The following ODF2L variants were observed in gnomAD, a reference collection of about 807,000 sequenced individuals.
ODF2L encodes outer dense fiber of sperm tails 2 like.
Under a neutral mutation model 86.3 loss-of-function variants are expected in ODF2L, and 76 were observed. The observed-to-expected ratio is 0.88, with a 90% CI of 0.73 to 1.07. ODF2L has a LOEUF of 1.07. Among genes scored for constraint, ODF2L ranks in the 50% least tolerant of loss-of-function variants. ODF2L has a pLI of 0.00. For synonymous variants in ODF2L, 241 were observed against 231.3 expected (o/e 1.04, Z -0.38); for missense variants, 748 against 717.4 (o/e 1.04, Z -0.49).
At chr1:86,380,825 G>T (rs1660531347) in intron 7 of ODF2L, among the ~76,000 whole-genome samples, 1 of 151,870 alleles carries the variant, frequency 6.6e-6, no homozygotes. Flanking sequence ...AGAAAAATTG[G>T]TGGAAGGCAT....
Position 86,386,978 on chromosome 1 carries a change from T to C in ODF2L, c.50A>G (p.His17Arg), listed in dbSNP as rs1361362333. 37 of 1,593,776 alleles carry C rather than the reference T, an allele frequency of 2.3e-5. No individual in the cohort carries two copies. Among genetic ancestry groups the C allele is most frequent in the Non-Finnish European group, 2.9e-5 (34 of 1,170,606 alleles). Residue 17 changes from histidine (H) to arginine (R), a missense_variant, in exon 2 of 18, where the codon CAT (histidine) becomes CGT (arginine). Physicochemically the swap from His to Arg is conservative, Grantham distance 29. Transcript: ENST00000317336. ...TTCTTTCTCTGATATAGTTTTAAGATGGCAAAAGAGTTCTTCTGAATGACT... is the reference window on the plus strand; with the variant it reads ...TTCTTTCTCTGATATAGTTTTAAGACGGCAAAAGAGTTCTTCTGAATGACT...
At chr1:86,367,066 C>T (rs767022131) in intron 11 of ODF2L, among the ~76,000 whole-genome samples, 2 of 152,120 alleles carry the variant, frequency 1.3e-5, no homozygotes, top group South Asian at 2.1e-4. Context: ...AGGGGAATTT[C>T]TTGAAAATTT....
exon 6 of ODF2L, chr1:86,382,941 T>C (rs2101315182): frequency 1.3e-6 from 2 of 1,549,218 alleles, no homozygotes; most frequent in East Asian, 4.5e-5. Flanking sequence ...CTTTTCACTC[T>C]GAAACAAACA....
chr1:86,354,284 A>T (rs891952590), intron 16 of ODF2L, among the ~76,000 whole-genome samples: 1 of 152,200 alleles, frequency 6.6e-6, no homozygotes, highest in African/African-American at 2.4e-5. Context: ...GGAGGAGATT[A>T]TGTCTTCAAA....
At chr1:86,389,011 A>G (rs1285515901) in intron 1 of ODF2L, among the ~76,000 whole-genome samples, 1 of 152,172 alleles carries the variant, frequency 6.6e-6, no homozygotes, top group Non-Finnish European at 1.5e-5. Context: ...CAGGACAAAT[A>G]TTGTTCAGAG....
chr1:86,358,523 A>G (rs11161804), intron 13 of ODF2L: 58,188 of 182,094 alleles, frequency 0.32, 9,492 homozygotes, highest in East Asian at 0.4. Flanking sequence ...TGAGCTATTT[A>G]AAGTCTGCTC....
intron 11 of ODF2L, among the ~76,000 whole-genome samples, chr1:86,363,500 G>GTA (rs1425836195): frequency 6.6e-6 from 1 of 152,068 alleles, no homozygotes; most frequent in African/African-American, 2.4e-5. Context: ...TTTACTTATA[G>GTA]TAGACACATT....
chr1:86,394,524 A>T (rs190373586), intron 1 of ODF2L, among the ~76,000 whole-genome samples: 19 of 152,310 alleles, frequency 1.2e-4, no homozygotes, highest in African/African-American at 3.6e-4. Flanking sequence ...CATAAGTTCA[A>T]TTTAGATTCA....
intron 1 of ODF2L, among the ~76,000 whole-genome samples, chr1:86,394,737 A>G (rs922104804): frequency 2.6e-5 from 4 of 152,198 alleles, no homozygotes; most frequent in Admixed American, 2.6e-4. Context: ...GAAAAAGAGA[A>G]GCAAAAAGCA....
intron 8 of ODF2L, among the ~76,000 whole-genome samples, chr1:86,374,098 C>T (rs921467737): frequency 2.0e-5 from 3 of 152,166 alleles, no homozygotes; most frequent in Admixed American, 2.0e-4. Flanking sequence ...GTAATGACAA[C>T]AATTAACATT....
At chr1:86,376,154 T>C (rs868337637) in intron 8 of ODF2L, 79 bp downstream of exon 8, 14 of 734,254 alleles carry the variant, frequency 1.9e-5, no homozygotes, top group South Asian at 2.8e-5. Flanking sequence ...AAAATTACTA[T>C]ATTAAGCATC....
intron 8 of ODF2L, among the ~76,000 whole-genome samples, chr1:86,375,966 C>CT (rs1255251285): frequency 6.6e-6 from 1 of 152,020 alleles, no homozygotes; most frequent in South Asian, 2.1e-4. Flanking sequence ...CCAATAGAAC[C>CT]TTTTTTTGTG....
chr1:86,356,412 A>G (rs1315400802), intron 14 of ODF2L, 32 bp downstream of exon 13: 4 of 1,564,880 alleles, frequency 2.6e-6, no homozygotes, highest in Non-Finnish European at 3.5e-6. Flanking sequence ...CTTTTAACGC[A>G]TCTAGCAAAA....
rs1302698889 is a variant in ODF2L at position 86,383,944 on chromosome 1, T to A, written c.372+732A>T. On this transcript the variant is annotated intron_variant, in intron 4 of 17. Transcript: ENST00000317336. The stretch of plus-strand genomic sequence containing the variant: ...CTCCATTTTTCTAAAACACCACGTA[T>A]ATATGCACACGTAACATATATAAAG... Among the ~76,000 whole-genome samples, 3 of 151,798 alleles carry A rather than the reference T, an allele frequency of 2.0e-5. No homozygotes were observed. The South Asian group carries it at 6.2e-4, about 31-fold the overall frequency.
intron 14 of ODF2L, among the ~76,000 whole-genome samples, chr1:86,355,779 C>T (rs541478435): frequency 7.3e-6 from 1 of 137,154 alleles, no homozygotes; most frequent in African/African-American, 2.6e-5. Flanking sequence ...TGAGAAAATG[C>T]AGTATTTTTT....
intron 13 of ODF2L, among the ~76,000 whole-genome samples, chr1:86,357,226 A>T (rs766838601): frequency 6.6e-6 from 1 of 152,240 alleles, no homozygotes; most frequent in African/African-American, 2.4e-5. Flanking sequence ...TGTGAAAAGC[A>T]GCAACCTTAA....
chr1:86,360,392 T>C, intron 12 of ODF2L, 34 bp downstream of exon 11: 1 of 955,526 alleles, frequency 1.0e-6, no homozygotes, highest in Non-Finnish European at 1.7e-6. Context: ...TGTCTACCAA[T>C]TTTAGTAAAC....
At chr1:86,355,451 A>G in intron 14 of ODF2L, 2 of 825,548 alleles carry the variant, frequency 2.4e-6, no homozygotes, top group Non-Finnish European at 4.0e-6. Context: ...TCAATTAGTA[A>G]TTTAGGCTAA....
chr1:86,379,155 C>A (rs1660393830), intron 7 of ODF2L, among the ~76,000 whole-genome samples: 1 of 152,130 alleles, frequency 6.6e-6, no homozygotes, highest in African/African-American at 2.4e-5. Context: ...AGAAGCTGAG[C>A]AGATGCCAGA....
Sources: gnomAD v4.1 joint callset for allele counts (sites outside exome capture counted in the v4.1 genomes callset) on GRCh38, gnomAD v4.1.1 for gene constraint, MANE v1.5 for transcripts, NCBI Gene and HGNC (gene_info 2026-07-23, HGNC 2026-07-21) for gene names.